IGFN1: variants seen among roughly 807,000 people sequenced by gnomAD.
The protein encoded by IGFN1 is immunoglobulin like and fibronectin type III domain containing 1.
In IGFN1, 253 loss-of-function variants were observed where a neutral mutation model predicts 289.5. That is an observed-to-expected ratio of 0.87 (90% CI 0.79 to 0.97). The LOEUF (loss-of-function observed/expected upper bound fraction) is 0.97, where lower values mean the gene tolerates loss of function less well. Among genes scored for constraint, IGFN1 ranks in the 50% least tolerant of loss-of-function variants. The probability of loss-of-function intolerance (pLI) is 0.00; values close to 1 mark genes in which losing one functional copy is unlikely to be tolerated. For synonymous variants in IGFN1, 1,706 were observed against 1,788.5 expected (o/e 0.95, Z 1.16); for missense variants, 4,470 against 4,686.1 (o/e 0.95, Z 1.35).
intron 15 of IGFN1, chr1:201,216,079 T>A (rs1042739574): frequency 1.6e-5 from 11 of 701,246 alleles, no homozygotes; most frequent in Admixed American, 1.0e-4. Flanking sequence ...CTGACCCCAA[T>A]ACACTGGGCC....
At position 201,218,623 on chromosome 1, in the gene IGFN1, C is replaced by T; in HGVS notation, c.9863C>T (p.Pro3288Leu). Residue 3288 changes from proline (P) to leucine (L), a missense_variant, in exon 18 of 24, where the codon CCT becomes CTT. Transcript: ENST00000335211. Reference protein sequence around the residue: ...VAPSGPGEPGPPSDAVFARDP... With the variant: ...VAPSGPGEPGLPSDAVFARDP... ...CCCTCAGGTCCCGGAGAGCCTGGAC[C>T]TCCATCGGATGCTGTCTTTGCTCGG... 3 of 1,611,446 alleles carry T rather than the reference C, an allele frequency of 1.9e-6. No homozygotes were observed. The highest frequency in any genetic ancestry group is 2.5e-6 in the Non-Finnish European group (3 of 1,179,934).
In IGFN1 at chr1:201,212,962, G is replaced by T; in HGVS notation, c.8069G>T (p.Trp2690Leu). The T allele has an allele frequency of 6.4e-7, 1 of 1,551,490 alleles. No homozygotes were observed. Among genetic ancestry groups the T allele is most frequent in the Non-Finnish European group, 8.7e-7 (1 of 1,146,966 alleles). ...QEAAGGCRSP[W>L]SLDSKGSSPG... is the part of the protein sequence containing the mutation. Reference sequence around the variant, plus strand: ...GCGGCTGGTGGATGCCGAAGCCCATGGTCCCTGGATAGCAAAGGTTCAAGT... The same window carrying T: ...GCGGCTGGTGGATGCCGAAGCCCATTGTCCCTGGATAGCAAAGGTTCAAGT... The change falls in exon 12 of 24, where the codon TGG becomes TTG. Residue 2690 changes from tryptophan (W) to leucine (L), a missense_variant. Physicochemically the swap from Trp to Leu is moderately conservative, Grantham distance 61 (BLOSUM62 -2). Around this residue, in one of 8 missense-constraint regions of IGFN1, gnomAD observed 2,218 missense variants for 2,114.1 expected, o/e 1.05. Coordinates refer to ENST00000335211, the MANE Select transcript of IGFN1 (RefSeq NM_001164586.2).
intron 18 of IGFN1, among the ~76,000 whole-genome samples, chr1:201,220,368 C>G (rs1375043429): frequency 6.6e-6 from 1 of 152,154 alleles, no homozygotes; most frequent in African/African-American, 2.4e-5. Flanking sequence ...TTTGTAGAGA[C>G]AGGGTCTCAC....
rs1234519362 is a variant in IGFN1 at position 201,211,226 on chromosome 1, G to A, written c.6333G>A (p.Gly2111=). Residue 2111 remains glycine (G), a synonymous_variant, in exon 12 of 24, where the codon GGG becomes GGA. Coordinates refer to ENST00000335211, the MANE Select transcript of IGFN1 (RefSeq NM_001164586.2). ...AGGCAGGTTATAGGAAGGATTTGGG[G>A]GCTCCTGAGGGAATAGGTTCAGGAA... ...MDEAGYRKDL[G]APEGIGSGSK... 24 of 1,529,388 alleles carry A rather than the reference G, an allele frequency of 1.6e-5. No individual in the cohort carries two copies. Among genetic ancestry groups the A allele is most frequent in the South Asian group, 8.4e-5 (7 of 83,688 alleles). The allele number at this position is 1,529,388 out of a possible 1,614,324, so 94.7% of individuals were successfully genotyped here.
rs1653049213 is a variant in IGFN1, at chr1:201,214,421, C to A, written c.8853+120C>A. ...TTCATTCTTCATTTTGCTAATGTATCCACCTCAGGAGAAGTTTAAATAGCC... is the reference window on the plus strand; with the variant it reads ...TTCATTCTTCATTTTGCTAATGTATACACCTCAGGAGAAGTTTAAATAGCC... On this transcript the variant is annotated intron_variant, in intron 13 of 23. Coordinates refer to ENST00000335211, the MANE Select transcript of IGFN1 (RefSeq NM_001164586.2). 7 of 1,067,798 alleles carry A rather than the reference C, an allele frequency of 6.6e-6. 1 individual carries two copies. The Admixed American group carries it at 8.1e-5, about 12-fold the overall frequency. 66.1% of individuals were successfully genotyped at this position (1,067,798 alleles called of 1,614,324 possible). A position where few individuals can be genotyped will look rare whatever the true frequency, so the allele number is the denominator to read the frequency against.
chr1:201,205,252 C>A lies in IGFN1; in HGVS notation c.1087C>A (p.Leu363Met), dbSNP rs1188155316. The A allele has an allele frequency of 6.4e-7, 1 of 1,551,000 alleles. No homozygotes were observed. Among genetic ancestry groups the A allele is most frequent in the South Asian group, 1.2e-5 (1 of 84,050 alleles). ...TGAAGTGTATGTGTCCCCTGACGGG[C>A]TGACCCACCGGCTGGTGGTGAGGGG... The part of the protein sequence containing the change: ...KYEVYVSPDG[L>M]THRLVVRGAR... The change falls in exon 11 of 24, where the codon CTG becomes ATG. Residue 363 changes from leucine (L) to methionine (M), a missense_variant. Leu to Met is a conservative substitution (Grantham distance 15). Transcript: ENST00000335211.
chr1:201,227,251 G>A, intron 23 of IGFN1, 43 bp downstream of exon 23: 3 of 1,480,070 alleles, frequency 2.0e-6, no homozygotes, highest in Admixed American at 2.0e-5. Context: ...AGGAGAGCCA[G>A]GAGAGCAACC....
In IGFN1 at chr1:201,221,718, C is replaced by T; in HGVS notation, c.10173C>T (p.Asp3391=). Residue 3391 remains aspartate, a synonymous_variant, in exon 19 of 24, where the codon GAC becomes GAT. Coordinates refer to ENST00000335211, the MANE Select transcript of IGFN1 (RefSeq NM_001164586.2). ...GCCAGAGCCAGCCCAGTGCCCTGGA[C>T]ACATTAGTGCAAGCCATGCCTGTTA... ...EGGQSQPSAL[D]TLVQAMPVTV... 2 of 1,602,938 alleles carry T rather than the reference C, an allele frequency of 1.2e-6. No homozygotes were observed. The highest frequency in any genetic ancestry group is 1.7e-6 in the Non-Finnish European group (2 of 1,173,424).
rs1375247640 is a variant in IGFN1, at chr1:201,207,276, G to A, written c.2383G>A (p.Asp795Asn). The change falls in exon 12 of 24, where the codon GAT becomes AAT. Residue 795 changes from aspartate to asparagine, a missense_variant. Around this residue, in one of 8 missense-constraint regions of IGFN1, gnomAD observed 2,011 missense variants for 1,953.4 expected, o/e 1.03. Transcript: ENST00000335211. The stretch of plus-strand genomic sequence containing the variant: ...TGTCCTACAGGAGCTCAGGGGAAGG[G>A]ATGGCCAGGAAACAGCTTGGGCCTC... Reference protein sequence around the residue: ...EGVLQELRGRDGQETAWASGE... With the variant: ...EGVLQELRGRNGQETAWASGE... 9 of 1,536,684 alleles carry A rather than the reference G, an allele frequency of 5.9e-6. No individual in the cohort carries two copies. Among genetic ancestry groups the A allele is most frequent in the Non-Finnish European group, 7.8e-6 (9 of 1,146,898 alleles).
intron 19 of IGFN1, 147 bp from the exon 20 acceptor site, chr1:201,222,592 A>C (rs1045701975): frequency 1.8e-6 from 1 of 561,992 alleles, no homozygotes; most frequent in Non-Finnish European, 3.3e-6. Flanking sequence ...GCTGTACTCC[A>C]GTCCTTTAGA....
At chr1:201,193,116 T>A in intron 1 of IGFN1, 131 bp from the exon 2 acceptor site, 1 of 601,774 alleles carries the variant, frequency 1.7e-6, no homozygotes, top group Non-Finnish European at 3.0e-6. Context: ...ATTAGTGGGT[T>A]AGAAAAGCTC....
Position 201,212,578 on chromosome 1 carries a change from A to C in IGFN1, c.7685A>C (p.Asp2562Ala). ...DIWKAGPGMT[D>A]RGRVAGQGGL... The stretch of plus-strand genomic sequence containing the variant: ...TGGAAAGCAGGCCCAGGAATGACAG[A>C]CAGGGGTAGAGTTGCTGGCCAGGGG... Residue 2562 changes from aspartate (D) to alanine (A), a missense_variant, in exon 12 of 24, where the codon GAC (aspartate) becomes GCC (alanine). Asp to Ala is a moderately radical substitution (Grantham distance 126). Transcript: ENST00000335211. 6.5e-7 allele frequency: 1 copy of C among 1,549,812 alleles called. No homozygotes were observed. Among genetic ancestry groups the C allele is most frequent in the Non-Finnish European group, 8.7e-7 (1 of 1,146,466 alleles).
At chr1:201,192,834 A>G (rs1167811625) in intron 1 of IGFN1, among the ~76,000 whole-genome samples, 1 of 152,170 alleles carries the variant, frequency 6.6e-6, no homozygotes, top group Non-Finnish European at 1.5e-5. Context: ...TCACAGCTGA[A>G]ATCCTTTCAC....
rs371031706 is a variant in IGFN1, at chr1:201,213,225, C to T, written c.8332C>T (p.Gln2778Ter). The change falls in exon 12 of 24, where the codon CAG becomes TAG. Residue 2778 changes from glutamine (Q) to a stop codon, truncating the protein, a stop_gained. Transcript: ENST00000335211. LOFTEE classifies it high-confidence loss of function. ...QRGGKRSLGEQGSLEAENGEV... is the reference protein window; with the variant it reads ...QRGGKRSLGE ...AGGAGGAAAGAGGTCCCTCGGGGAG[C>T]AGGGGTCCCTGGAGGCTGAGAATGG... 3 of 1,551,660 alleles carry T rather than the reference C, an allele frequency of 1.9e-6. No individual in the cohort carries two copies. The highest frequency in any genetic ancestry group is 8.7e-7 in the Non-Finnish European group (1 of 1,146,976).
intron 4 of IGFN1, 107 bp downstream of exon 4, chr1:201,196,085 C>CTA: frequency 5.3e-6 from 6 of 1,129,384 alleles, no homozygotes; most frequent in Non-Finnish European, 4.9e-6. Flanking sequence ...ACATACTCCT[C>CTA]GTTGAGGTTG....
intron 10 of IGFN1, 33 bp downstream of exon 10, chr1:201,203,939 G>T: frequency 6.5e-7 from 1 of 1,531,316 alleles, no homozygotes; most frequent in South Asian, 1.2e-5. Context: ...GTTGGAGTTG[G>T]GGAGATATGT....
chr1:201,201,716 T>A lies in IGFN1; in HGVS notation c.634-3T>A. The A allele has an allele frequency of 6.7e-7, 1 of 1,492,450 alleles. No homozygotes were observed. The highest frequency in any genetic ancestry group is 2.0e-5 in the Admixed American group (1 of 50,926). The allele number at this position is 1,492,450 out of a possible 1,614,324, so 92.5% of individuals were successfully genotyped here. A position where few individuals can be genotyped will look rare whatever the true frequency, so the allele number is the denominator to read the frequency against. On this transcript the variant is annotated splice_polypyrimidine_tract_variant and splice_region_variant and intron_variant, in intron 8 of 23. Transcript: ENST00000335211. ...TCCTGCTGGGTGTTTGTCTGCTTTGTAGTACATCAACACCATCTCCAGCTT... is the reference window on the plus strand; with the variant it reads ...TCCTGCTGGGTGTTTGTCTGCTTTGAAGTACATCAACACCATCTCCAGCTT...
chr1:201,218,309 A>G (rs1653463265), intron 17 of IGFN1, among the ~76,000 whole-genome samples: 1 of 152,270 alleles, frequency 6.6e-6, no homozygotes, highest in Non-Finnish European at 1.5e-5. Context: ...AAGAACATCC[A>G]GCAAGTTAGT....
At chr1:201,200,477 A>G (rs1345734596) in intron 8 of IGFN1, 66 bp downstream of exon 8, 3 of 1,312,430 alleles carry the variant, frequency 2.3e-6, no homozygotes, top group Non-Finnish European at 3.2e-6. Context: ...TAGGTGCCTC[A>G]CACCTGGAGG....
Sources: gnomAD v4.1 joint callset for allele counts (sites outside exome capture counted in the v4.1 genomes callset) on GRCh38, gnomAD v4.1.1 for gene constraint, gnomAD v4.1.1 regional missense constraint, MANE v1.5 for transcripts, NCBI Gene and HGNC (gene_info 2026-07-23, HGNC 2026-07-21) for gene names.